Variants in LRRK2 observed in about 807,000 individuals in gnomAD.
LRRK2 encodes leucine rich repeat kinase 2.
LRRK2 carries 203 observed loss-of-function variants against 302.6 expected under a neutral mutation model. The observed-to-expected ratio is 0.67, with a 90% CI of 0.60 to 0.75. The LOEUF (loss-of-function observed/expected upper bound fraction) is 0.75. LRRK2 is among the 30% of genes least tolerant of loss of function. The probability of loss-of-function intolerance (pLI) is 0.00; values close to 1 mark genes in which losing one functional copy is unlikely to be tolerated. For missense variants in LRRK2, 2,830 were observed against 2,951.0 expected (o/e 0.96, Z 0.95); for synonymous variants, 1,066 against 1,031.9 (o/e 1.03, Z -0.63).
chr12:40,310,771 A>G (rs976493568), intron 31 of LRRK2, 122 bp downstream of exon 31: 2 of 929,204 alleles, frequency 2.2e-6, no homozygotes, highest in Non-Finnish European at 3.4e-6. Flanking sequence ...TGTTGCTGTT[A>G]GCATTATTAA....
At position 40,369,206 on chromosome 12, in the gene LRRK2, A is replaced by C. The variant is rs1463283895; in HGVS notation, c.*1441A>C. The C allele has an allele frequency of 6.6e-6, 1 of 151,764 alleles. No homozygotes were observed. The highest frequency in any genetic ancestry group is 1.5e-5 in the Non-Finnish European group (1 of 67,778). The allele number at this position is 151,764 out of a possible 1,614,324, so 9.4% of individuals were successfully genotyped here. A position where few individuals can be genotyped will look rare whatever the true frequency, so the allele number is the denominator to read the frequency against. On this transcript the variant is annotated 3_prime_UTR_variant, in exon 51 of 51. Coordinates refer to ENST00000298910, the MANE Select transcript of LRRK2 (RefSeq NM_198578.4). ...TCTTTCATTGTTACTTTGTATTTGC[A>C]ATTTTTTTTACCAAAGACAAATTAA...
chr12:40,233,343 T>C (rs969111934), intron 3 of LRRK2, among the ~76,000 whole-genome samples: 6 of 152,242 alleles, frequency 3.9e-5, no homozygotes, highest in African/African-American at 1.4e-4. Flanking sequence ...ATATGGTTTA[T>C]GAAAATTTAA....
intron 39 of LRRK2, among the ~76,000 whole-genome samples, chr12:40,331,963 C>T (rs899693539): frequency 1.3e-5 from 2 of 152,116 alleles, no homozygotes; most frequent in Admixed American, 6.5e-5. Context: ...AGTACTTATT[C>T]CAAGTACAGA....
At chr12:40,315,024 A>G (rs544689655) in intron 32 of LRRK2, among the ~76,000 whole-genome samples, 188 bp from the exon 33 acceptor site, 2 of 152,182 alleles carry the variant, frequency 1.3e-5, no homozygotes, top group South Asian at 2.1e-4. Context: ...TATGTAGTTT[A>G]AAAATACTCC....
chr12:40,263,727 G>A (rs1942880591), intron 13 of LRRK2, 62 bp from the exon 14 acceptor site: 3 of 1,162,024 alleles, frequency 2.6e-6, no homozygotes, highest in Non-Finnish European at 3.9e-6. Context: ...GAAAGTAACA[G>A]TCTGTTCAAC....
intron 41 of LRRK2, 108 bp from the exon 42 acceptor site, chr12:40,346,645 A>G: frequency 9.9e-7 from 1 of 1,011,312 alleles, no homozygotes; most frequent in Non-Finnish European, 1.5e-6. Flanking sequence ...CTGGTTTAGA[A>G]CATCTCTTCC....
intron 43 of LRRK2, among the ~76,000 whole-genome samples, chr12:40,349,512 C>T (rs113510284): frequency 8.0e-4 from 8 of 10,010 alleles, no homozygotes; most frequent in East Asian, 5.3e-3. Flanking sequence ...TATTCTTTTT[C>T]TTATTTATTT....
At position 40,308,687 on chromosome 12, in the gene LRRK2, G is replaced by T. The variant is rs1944921161; in HGVS notation, c.4180G>T (p.Asp1394Tyr). The T allele has an allele frequency of 6.2e-7, 1 of 1,613,436 alleles. No individual in the cohort carries two copies. Among genetic ancestry groups the T allele is most frequent in the Non-Finnish European group, 8.5e-7 (1 of 1,179,734 alleles). ...RKRDLVLNVWDFAGREEFYST... is the reference protein window; with the variant it reads ...RKRDLVLNVWYFAGREEFYST... Reference sequence around the variant, plus strand: ...GAGAGATCTCGTCCTAAATGTGTGGGATTTTGCAGGTATTTCTTTCTATAG... The same window carrying T: ...GAGAGATCTCGTCCTAAATGTGTGGTATTTTGCAGGTATTTCTTTCTATAG... The change falls in exon 29 of 51, where the codon GAT becomes TAT. Residue 1394 changes from aspartate (D) to tyrosine (Y), a missense_variant. Physicochemically the swap from Asp to Tyr is radical, Grantham distance 160. This residue lies in a region of LRRK2 where 2,121 missense variants were observed against 2,148.0 expected (regional missense o/e 0.99). Transcript: ENST00000298910.
intron 6 of LRRK2, among the ~76,000 whole-genome samples, chr12:40,243,044 A>G (rs796833174): frequency 4.0e-5 from 6 of 151,794 alleles, no homozygotes; most frequent in African/African-American, 1.4e-4. Flanking sequence ...AAACTGACCA[A>G]CAAGATTAAA....
rs186283282 is a variant in LRRK2 at position 40,290,600 on chromosome 12, C to T, written c.2690-2945C>T. Among the ~76,000 whole-genome samples the T allele has an allele frequency of 1.4e-3, 212 of 152,026 alleles. 1 individual carries two copies. Among genetic ancestry groups the T allele is most frequent in the African/African-American group, 5.0e-3 (206 of 41,538 alleles). The stretch of plus-strand genomic sequence containing the variant: ...GTATGATTATTTTAATTTTCTTTTA[C>T]TTCTTAAGTCAGTTTTAGTAATGTG... On this transcript the variant is annotated intron_variant, in intron 20 of 50. Coordinates refer to ENST00000298910, the MANE Select transcript of LRRK2 (RefSeq NM_198578.4).
chr12:40,330,557 G>T (rs1190136867), intron 39 of LRRK2, among the ~76,000 whole-genome samples: 2 of 152,112 alleles, frequency 1.3e-5, no homozygotes, highest in East Asian at 3.9e-4. Context: ...GTGAAAAATT[G>T]TCTTCTGTGT....
chr12:40,238,166 G>A (rs1941557115), intron 5 of LRRK2, 63 bp downstream of exon 5: 2 of 1,471,836 alleles, frequency 1.4e-6, no homozygotes, highest in Non-Finnish European at 1.9e-6. Flanking sequence ...ACTGGGAAAA[G>A]TAGAACACAG....
At chr12:40,315,988 AT>A (rs930964973) in intron 33 of LRRK2, among the ~76,000 whole-genome samples, 4 of 151,988 alleles carry the variant, frequency 2.6e-5, no homozygotes, top group African/African-American at 9.7e-5. Context: ...TGTTAGCAGC[AT>A]TTTTGGCCTT....
intron 41 of LRRK2, among the ~76,000 whole-genome samples, chr12:40,341,757 A>G (rs139751507): frequency 6.6e-6 from 1 of 152,332 alleles, no homozygotes; most frequent in East Asian, 1.9e-4. Flanking sequence ...AATTCAGTCT[A>G]AATGAGAACC....
Position 40,240,596 on chromosome 12 carries a change from T to C in LRRK2, c.685T>C (p.Leu229=), listed in dbSNP as rs1223410760. ...AATTGTGCTTCATGTGCTGCATTGT[T>C]TACATTCCCTAGCGATTCCTTGTAA... The part of the protein sequence containing the change: ...EEIVLHVLHC[L]HSLAIPCNNV... The change falls in exon 6 of 51, where the codon TTA becomes CTA. Residue 229 remains leucine (L), a synonymous_variant. Transcript: ENST00000298910. The C allele has an allele frequency of 1.9e-6, 3 of 1,613,320 alleles. No individual in the cohort carries two copies. Among genetic ancestry groups the C allele is most frequent in the Non-Finnish European group, 2.5e-6 (3 of 1,179,646 alleles).
intron 6 of LRRK2, among the ~76,000 whole-genome samples, chr12:40,243,013 G>C (rs1009809328): frequency 3.3e-5 from 5 of 150,176 alleles, no homozygotes; most frequent in Non-Finnish European, 7.4e-5. Context: ...TTACATTATT[G>C]TCCCTATTTT....
At chr12:40,241,559 T>C (rs1236321275) in intron 6 of LRRK2, among the ~76,000 whole-genome samples, 10 of 152,250 alleles carry the variant, frequency 6.6e-5, no homozygotes, top group Admixed American at 4.6e-4. Flanking sequence ...CTACAGGATA[T>C]ACATATGCAT....
chr12:40,287,311 T>C, intron 19 of LRRK2, 40 bp from the exon 20 acceptor site: 1 of 1,570,998 alleles, frequency 6.4e-7, no homozygotes, highest in Non-Finnish European at 8.7e-7. Context: ...TTTTGCATAA[T>C]TGTTGATTTC....
chr12:40,247,009 AT>A (rs1365844109), intron 7 of LRRK2, among the ~76,000 whole-genome samples: 1 of 152,154 alleles, frequency 6.6e-6, no homozygotes, highest in Non-Finnish European at 1.5e-5. Flanking sequence ...TTCTGATGAC[AT>A]TTTCTCAAAA....
Sources: gnomAD v4.1 joint callset for allele counts (sites outside exome capture counted in the v4.1 genomes callset) on GRCh38, gnomAD v4.1.1 for gene constraint, gnomAD v4.1.1 regional missense constraint, MANE v1.5 for transcripts, NCBI Gene and HGNC (gene_info 2026-07-23, HGNC 2026-07-21) for gene names.